The following VSX1 variants were observed in gnomAD, a reference collection of about 807,000 sequenced individuals.
The protein encoded by VSX1 is visual system homeobox 1.
A neutral mutation model predicts 23.6 loss-of-function variants in VSX1; 23 were observed. The observed-to-expected ratio is 0.97, with a 90% CI of 0.70 to 1.38. The LOEUF (loss-of-function observed/expected upper bound fraction) is 1.38. Ranked by LOEUF, VSX1 falls within the 40% of genes most tolerant of loss-of-function variation. VSX1 has a pLI of 0.00. For synonymous variants in VSX1, 247 were observed against 215.1 expected, an observed-to-expected ratio of 1.15 and a Z score of -1.30; for missense variants, 517 against 495.4, an observed-to-expected ratio of 1.04 and a Z score of -0.41.
intron 4 of VSX1, 121 bp from the exon 5 acceptor site, chr20:25,076,671 T>C (rs2089500287): frequency 8.3e-7 from 1 of 1,202,958 alleles, no homozygotes; most frequent in African/African-American, 1.5e-5. Flanking sequence ...AGTGCCTATC[T>C]CTGGGGCCTA....
At position 25,077,775 on chromosome 20, in the gene VSX1, C is replaced by CCCCGTACTCGG. The variant is rs1293345738; in HGVS notation, c.717_718insCCGAGTACGGG (p.Ala240ProfsTer43). 1 of 1,551,008 alleles carries CCCCGTACTCGG rather than the reference C, an allele frequency of 6.4e-7. No individual in the cohort carries two copies. Among genetic ancestry groups the CCCCGTACTCGG allele is most frequent in the Non-Finnish European group, 8.7e-7 (1 of 1,146,988 alleles). On this transcript the variant is annotated frameshift_variant, in exon 4 of 5. Coordinates refer to ENST00000376709, the MANE Select transcript of VSX1 (RefSeq NM_014588.6). LOFTEE classifies it high-confidence loss of function. Reference sequence around the variant, plus strand: ...AGCGGGATGCAGTGGCGCACCATGGCCCCGTACAGCCCGTACTCGGCCATC... The same window carrying CCCCGTACTCGG: ...AGCGGGATGCAGTGGCGCACCATGGCCCCGTACTCGGCCCGTACAGCCCGTACTCGGCCATC...
At chr20:25,072,893 C>G (rs1428938428), downstream of VSX1, among the ~76,000 whole-genome samples, 1 of 152,196 alleles carries the variant, frequency 6.6e-6, no homozygotes, top group Non-Finnish European at 1.5e-5. Flanking sequence ...CCAAATTCGC[C>G]TTACTAAAAC....
intron 2 of VSX1, 72 bp from the exon 3 acceptor site, chr20:25,079,024 C>A: frequency 6.3e-7 from 1 of 1,591,308 alleles, no homozygotes; most frequent in South Asian, 1.1e-5. Flanking sequence ...CCTTAAGGAC[C>A]ACCGTGCCTG....
rs2089485346 is a variant in VSX1 at position 25,076,142 on chromosome 20, T to A, written c.*119A>T. On this transcript the variant is annotated 3_prime_UTR_variant, in exon 5 of 5. Transcript: ENST00000376709. ...AAAGCAAGTGGCATTGCATTTTATC[T>A]TGACATTGTCAGAAGAAAATCAAAC... is the stretch of plus-strand genomic sequence containing the variant. 1.4e-6 allele frequency: 2 copies of A among 1,440,632 alleles called. No homozygotes were observed. The highest frequency in any genetic ancestry group is 1.9e-6 in the Non-Finnish European group (2 of 1,033,702). 89.2% of individuals were successfully genotyped at this position (1,440,632 alleles called of 1,614,324 possible).
intron 1 of VSX1, among the ~76,000 whole-genome samples, chr20:25,080,517 T>C (rs905953900): frequency 3.3e-5 from 5 of 152,368 alleles, no homozygotes; most frequent in Admixed American, 6.5e-5. Context: ...AAAATGATAA[T>C]ATTTGCTATC....
downstream of VSX1, chr20:25,071,929 A>T (rs751401287): frequency 4.2e-5 from 28 of 674,332 alleles, no homozygotes; most frequent in Non-Finnish European, 7.2e-5. Flanking sequence ...GTTCAGCTGA[A>T]GGTCATCAGG....
At chr20:25,071,048 T>C (rs1338610564), downstream of VSX1, 1 of 453,982 alleles carries the variant, frequency 2.2e-6, no homozygotes, top group Non-Finnish European at 4.4e-6. Context: ...AATGGACAAT[T>C]ATGTGAACAA....
chr20:25,078,622 G>T, intron 3 of VSX1: 32 of 1,432,890 alleles, frequency 2.2e-5, no homozygotes, highest in East Asian at 1.1e-4. Context: ...TTTAAAGAAT[G>T]ATTTGATACT....
At chr20:25,079,031 C>T in intron 2 of VSX1, 79 bp from the exon 3 acceptor site, 4 of 1,569,184 alleles carry the variant, frequency 2.5e-6, no homozygotes, top group Non-Finnish European at 2.6e-6. Flanking sequence ...GACCACCGTG[C>T]CTGCTTCCTC....
intron 1 of VSX1, among the ~76,000 whole-genome samples, chr20:25,081,043 G>A (rs2089629208): frequency 6.6e-6 from 1 of 152,182 alleles, no homozygotes; most frequent in Admixed American, 6.5e-5. Flanking sequence ...TGGGGAAATG[G>A]GTAGGCCAGG....
chr20:25,078,948 C>G lies in VSX1; in HGVS notation c.508G>C (p.Val170Leu). The G allele has an allele frequency of 6.2e-7, 1 of 1,613,768 alleles. No individual in the cohort carries two copies. Among genetic ancestry groups the G allele is most frequent in the Non-Finnish European group, 8.5e-7 (1 of 1,180,036 alleles). The change falls in exon 3 of 5, where the codon GTT (valine) becomes CTT (leucine). Residue 170 changes from valine to leucine, a missense_variant. Transcript: ENST00000376709. ...TCTTCCAGCTGGTGAGCAGTGAAAA[C>G]TGTCCTGCAAGGACCCCAAAACACA... ...GKRKKRRHRT[V>L]FTAHQLEELE... is the part of the protein sequence containing the mutation.
At chr20:25,072,505 A>T, downstream of VSX1, 3 of 470,626 alleles carry the variant, frequency 6.4e-6, no homozygotes, top group Non-Finnish European at 1.3e-5. Context: ...GTCTTATCAA[A>T]GCACTGAGCT....
intron 3 of VSX1, 111 bp downstream of exon 3, chr20:25,078,718 G>A (rs754157516): frequency 1.9e-6 from 3 of 1,613,342 alleles, no homozygotes; most frequent in Non-Finnish European, 2.5e-6. Context: ...CAGTTTCTAT[G>A]CAAAGGGAGC....
chr20:25,071,483 C>G, downstream of VSX1: 2 of 438,256 alleles, frequency 4.6e-6, no homozygotes, highest in South Asian at 3.2e-5. Context: ...CACTCAGGGT[C>G]TTTTTTTTTT....
At chr20:25,071,905 A>C (rs1172375899), downstream of VSX1, 1 of 704,778 alleles carries the variant, frequency 1.4e-6, no homozygotes, top group Non-Finnish European at 2.6e-6. Context: ...GGCAGACTTT[A>C]GCAGCATTAC....
intron 4 of VSX1, 117 bp from the exon 5 acceptor site, chr20:25,076,667 T>C: frequency 8.1e-7 from 1 of 1,236,828 alleles, no homozygotes; most frequent in Non-Finnish European, 1.1e-6. Flanking sequence ...TGTCAGTGCC[T>C]ATCTCTGGGG....
At chr20:25,071,797 AG>A (rs1333865481), downstream of VSX1, 1 of 706,598 alleles carries the variant, frequency 1.4e-6, no homozygotes. Context: ...GGTGCCCTGC[AG>A]GGGGCAAGTC....
At chr20:25,071,412 C>A (rs184826278), downstream of VSX1, 1 of 453,650 alleles carries the variant, frequency 2.2e-6, no homozygotes, top group South Asian at 1.6e-5. Flanking sequence ...TTAGAGGTTG[C>A]GGTGAGCTAT....
downstream of VSX1, chr20:25,072,617 T>A: frequency 2.1e-6 from 1 of 471,216 alleles, no homozygotes; most frequent in Non-Finnish European, 4.4e-6. Context: ...GTTCACTTCA[T>A]TTCTCTGCAG....
Sources: allele counts gnomAD v4.1 joint callset (sites outside exome capture counted in the v4.1 genomes callset), GRCh38; gene constraint gnomAD v4.1.1; transcripts MANE v1.5; gene names NCBI Gene and HGNC (gene_info 2026-07-23, HGNC 2026-07-21).